The following SYNM variants were observed in gnomAD, a reference collection of about 807,000 sequenced individuals.
SYNM encodes desmuslin.
SYNM carries 95 observed loss-of-function variants against 104.0 expected under a neutral mutation model. The ratio of observed to expected loss-of-function variants is 0.91; its 90% CI spans 0.77 to 1.08. The LOEUF is 1.08. Ranked by LOEUF, SYNM falls within the 50% of genes least tolerant of loss-of-function variation. The pLI, the probability that SYNM is intolerant of heterozygous loss-of-function variation, is 0.00. For missense variants in SYNM, 2,150 were observed against 2,052.2 expected (o/e 1.05, Z -0.92); for synonymous variants, 918 against 869.0 (o/e 1.06, Z -0.99).
rs2067216033 is a variant in SYNM at position 99,105,097 on chromosome 15, G to A, written c.-103G>A. On this transcript the variant is annotated 5_prime_UTR_variant, in exon 1 of 4. Coordinates refer to ENST00000336292, the MANE Select transcript of SYNM (RefSeq NM_145728.3). ...CGCGTCCCAGTCTGCGGGCCTCCGG[G>A]GCAGCGGCGAGGCCGGAGCGTCGCG... is the stretch of plus-strand genomic sequence containing the variant. The A allele has an allele frequency of 4.4e-6, 6 of 1,350,946 alleles. No individual in the cohort carries two copies. The highest frequency in any genetic ancestry group is 1.4e-5 in the South Asian group (1 of 72,670). 83.7% of individuals were successfully genotyped at this position (1,350,946 alleles called of 1,614,324 possible).
In SYNM at chr15:99,105,901, A is replaced by AGAGGCGCTGCGGCGC. The variant is rs1383921164; in HGVS notation, c.711_725dup (p.Arg238_Leu242dup). 2.0e-6 allele frequency: 3 copies of AGAGGCGCTGCGGCGC among 1,534,166 alleles called. No homozygotes were observed. Among genetic ancestry groups the AGAGGCGCTGCGGCGC allele is most frequent in the African/African-American group, 1.4e-5 (1 of 71,856 alleles). On this transcript the variant is annotated inframe_insertion, in exon 1 of 4. Coordinates refer to ENST00000336292, the MANE Select transcript of SYNM (RefSeq NM_145728.3). ...AGACGCGGCTGTGCGCGCAGGAGGCAGAGGCGCTGCGGCGCGAGGCGCTCG... is the reference window on the plus strand; with the variant it reads ...AGACGCGGCTGTGCGCGCAGGAGGCAGAGGCGCTGCGGCGCGAGGCGCTGCGGCGCGAGGCGCTCG...
downstream of SYNM, chr15:99,139,528 C>T (rs2067974612): frequency 6.4e-7 from 1 of 1,551,236 alleles, no homozygotes; most frequent in Admixed American, 2.0e-5. Context: ...TAGCATGCTC[C>T]TGGGATGTCT....
In SYNM at chr15:99,131,822, G is replaced by A. The variant is rs782699332; in HGVS notation, c.3462G>A (p.Ala1154=). 15 of 1,613,816 alleles carry A rather than the reference G, an allele frequency of 9.3e-6. No individual in the cohort carries two copies. The highest frequency in any genetic ancestry group is 6.7e-5 in the East Asian group (3 of 44,896). ...CTGCAGAAGTGGTGGAGGTAAGTGC[G>A]GGAGGTGACCTAAGTCAGGCAGCGA... ...GPTAEVVEVS[A]GGDLSQAASP... Residue 1154 remains alanine (A), a synonymous_variant, in exon 4 of 4, where the codon GCG becomes GCA. Transcript: ENST00000336292. This position sits in a 1 kb window ranked among gnomAD's most constrained non-coding sequence, Gnocchi z 4.3.
chr15:99,137,927 C>A, downstream of SYNM: 2 of 1,575,226 alleles, frequency 1.3e-6, no homozygotes, highest in Non-Finnish European at 1.7e-6. Flanking sequence ...CTGTTGAATT[C>A]CATTTTCTAG....
chr15:99,106,184 A>G (rs2067241505), intron 1 of SYNM, among the ~76,000 whole-genome samples, 175 bp downstream of exon 1: 1 of 152,170 alleles, frequency 6.6e-6, no homozygotes, highest in Non-Finnish European at 1.5e-5. Flanking sequence ...CCGCTGGTCC[A>G]TCGACTCAGC....
rs548381283 is a variant in SYNM, at chr15:99,108,629, TA to T, written c.810+2621del. On this transcript the variant is annotated intron_variant, in intron 1 of 3. Coordinates refer to ENST00000336292, the MANE Select transcript of SYNM (RefSeq NM_145728.3). Reference sequence around the variant, plus strand: ...AGGTACCACAGATGCCCTTCACAAATATTCACTCTCAGTGCCCACACCAGTG... The same window carrying T: ...AGGTACCACAGATGCCCTTCACAAATTTCACTCTCAGTGCCCACACCAGTG... Among the ~76,000 whole-genome samples, 195 of 152,306 alleles carry T rather than the reference TA, an allele frequency of 1.3e-3. 1 individual carries two copies. Among genetic ancestry groups the T allele is most frequent in the African/African-American group, 4.3e-3 (178 of 41,572 alleles).
intron 2 of SYNM, among the ~76,000 whole-genome samples, 174 bp downstream of exon 2, chr15:99,113,889 A>G (rs1263685072): frequency 3.9e-5 from 6 of 152,180 alleles, no homozygotes; most frequent in Non-Finnish European, 5.9e-5. Flanking sequence ...GAAGAGGAAG[A>G]GTAGGGCTTG....
Position 99,129,853 on chromosome 15 carries a change from A to G in SYNM, c.1493A>G (p.Lys498Arg), listed in dbSNP as rs782451919. ...RSNERTVILG[K>R]KTEVKATREQ... The stretch of plus-strand genomic sequence containing the variant: ...AATGAGAGGACCGTCATTCTGGGAA[A>G]GAAAACAGAAGTGAAAGCCACGAGG... Residue 498 changes from lysine (K) to arginine (R), a missense_variant, in exon 4 of 4, where the codon AAG becomes AGG. Lys to Arg is a conservative substitution (Grantham distance 26). Transcript: ENST00000336292. The G allele has an allele frequency of 1.9e-6, 3 of 1,613,752 alleles. No homozygotes were observed. Among genetic ancestry groups the G allele is most frequent in the Non-Finnish European group, 2.5e-6 (3 of 1,179,812 alleles).
intron 2 of SYNM, among the ~76,000 whole-genome samples, chr15:99,116,773 T>A (rs2067354117): frequency 7.0e-6 from 1 of 143,388 alleles, no homozygotes. Flanking sequence ...GTTCAAGCAA[T>A]TCTCCTGATT....
chr15:99,118,217 G>T lies in SYNM; in HGVS notation c.935+4502G>T, dbSNP rs1292568810. Among the ~76,000 whole-genome samples, 3 of 152,214 alleles carry T rather than the reference G, an allele frequency of 2.0e-5. No individual in the cohort carries two copies. In the East Asian group the frequency reaches 5.8e-4, roughly 29 times the overall value. On this transcript the variant is annotated intron_variant, in intron 2 of 3. Coordinates refer to ENST00000336292, the MANE Select transcript of SYNM (RefSeq NM_145728.3). Reference sequence around the variant, plus strand: ...TATAAGCCAAAAACTTACCATTTTTGAAAATCACCAGTGCATGTCTGGAAG... The same window carrying T: ...TATAAGCCAAAAACTTACCATTTTTTAAAATCACCAGTGCATGTCTGGAAG...
chr15:99,131,008 T>C lies in SYNM; in HGVS notation c.2648T>C (p.Val883Ala). 1 of 1,613,270 alleles carries C rather than the reference T, an allele frequency of 6.2e-7. No individual in the cohort carries two copies. The highest frequency in any genetic ancestry group is 8.5e-7 in the Non-Finnish European group (1 of 1,179,588). Residue 883 changes from valine (V) to alanine (A), a missense_variant, in exon 4 of 4, where the codon GTG becomes GCG. Val to Ala is a moderately conservative substitution (Grantham distance 64, BLOSUM62 0). Coordinates refer to ENST00000336292, the MANE Select transcript of SYNM (RefSeq NM_145728.3). This position sits in a 1 kb window ranked among gnomAD's most constrained non-coding sequence, Gnocchi z 4.3. ...AGGAGGACACAGAAGGACGGTGCAG[T>C]GGGCGAGAAGGTTGTGAAGCCCTTG... ...TRRRTQKDGA[V>A]GEKVVKPLDV...
intron 2 of SYNM, among the ~76,000 whole-genome samples, chr15:99,118,124 G>T (rs8038845): frequency 6.6e-6 from 1 of 152,178 alleles, no homozygotes; most frequent in South Asian, 2.1e-4. Flanking sequence ...TCTGTGCTCC[G>T]GTATAGTCTC....
Position 99,129,547 on chromosome 15 carries a change from G to C in SYNM, c.1187G>C (p.Arg396Thr), listed in dbSNP as rs558695170. Reference sequence around the variant, plus strand: ...ACATCTATTGGAGGTGATGCCAGAAGAGGCTTCTTGGGCTCGGGATATTCT... The same window carrying C: ...ACATCTATTGGAGGTGATGCCAGAACAGGCTTCTTGGGCTCGGGATATTCT... ...TGTSIGGDARRGFLGSGYSSS... is the reference protein window; with the variant it reads ...TGTSIGGDARTGFLGSGYSSS... The change falls in exon 4 of 4, where the codon AGA becomes ACA. Residue 396 changes from arginine (R) to threonine (T), a missense_variant. Coordinates refer to ENST00000336292, the MANE Select transcript of SYNM (RefSeq NM_145728.3). 1 of 1,614,024 alleles carries C rather than the reference G, an allele frequency of 6.2e-7. No homozygotes were observed. The highest frequency in any genetic ancestry group is 1.1e-5 in the South Asian group (1 of 91,080).
At chr15:99,110,364 A>G (rs1253447223) in intron 1 of SYNM, among the ~76,000 whole-genome samples, 1 of 152,222 alleles carries the variant, frequency 6.6e-6, no homozygotes, top group African/African-American at 2.4e-5. Context: ...GGCATTGGTT[A>G]GGAGGACGGG....
chr15:99,121,496 G>A (rs1266057980), intron 2 of SYNM, among the ~76,000 whole-genome samples: 1 of 152,186 alleles, frequency 6.6e-6, no homozygotes, highest in Non-Finnish European at 1.5e-5. Context: ...GCTGTCACTC[G>A]CTGCAGGCTA....
chr15:99,112,969 C>G (rs1427182936), intron 1 of SYNM, among the ~76,000 whole-genome samples: 1 of 152,192 alleles, frequency 6.6e-6, no homozygotes, highest in Non-Finnish European at 1.5e-5. Flanking sequence ...CTTCGGCCTC[C>G]CAAAGTGTTG....
chr15:99,121,802 G>T (rs1555484545), intron 2 of SYNM, among the ~76,000 whole-genome samples: 1 of 152,164 alleles, frequency 6.6e-6, no homozygotes. Context: ...AATACCCAGG[G>T]GTAGACAGTG....
chr15:99,113,750 C>T (rs782458459), intron 2 of SYNM, 35 bp downstream of exon 2: 12 of 1,610,416 alleles, frequency 7.5e-6, no homozygotes, highest in Admixed American at 1.7e-5. Context: ...CTTGACGAAG[C>T]CATGGGGGTG....
chr15:99,133,053 T>C lies in SYNM; in HGVS notation c.4693T>C (p.Phe1565Leu). 2 of 1,613,134 alleles carry C rather than the reference T, an allele frequency of 1.2e-6. No homozygotes were observed. The change falls in exon 4 of 4, where the codon TTT becomes CTT. Residue 1565 changes from phenylalanine to leucine, a missense_variant. By Grantham distance (22) the Phe-to-Leu change is conservative (BLOSUM62 0). Transcript: ENST00000336292. ...NEEEENDGHW[F>L] ...GGAGGAGGAGAATGATGGGCATTGG[T>C]TTTAATAAGCAGAAACATTTTGTTT...
Sources: allele counts gnomAD v4.1 joint callset (sites outside exome capture counted in the v4.1 genomes callset), GRCh38; gene constraint gnomAD v4.1.1; non-coding constraint Gnocchi (gnomAD v3.1); transcripts MANE v1.5; gene names NCBI Gene and HGNC (gene_info 2026-07-23, HGNC 2026-07-21).